GFRA2: variants seen among roughly 807,000 people sequenced by gnomAD.
The protein encoded by GFRA2 is GDNF family receptor alpha 2.
GFRA2 carries 17 observed loss-of-function variants against 48.3 expected under a neutral mutation model. That is an observed-to-expected ratio of 0.35 (90% CI 0.24 to 0.53). The LOEUF is 0.53. GFRA2 is among the 20% of genes least tolerant of loss of function. The pLI is 0.93. For synonymous variants in GFRA2, 305 were observed against 257.2 expected (o/e 1.19, Z -1.78); for missense variants, 660 against 637.3 (o/e 1.04, Z -0.38).
chr8:21,751,021 C>G (rs1274892116), intron 3 of GFRA2, 79 bp from the exon 4 acceptor site: 1 of 925,780 alleles, frequency 1.1e-6, no homozygotes, highest in Non-Finnish European at 1.7e-6. Context: ...TGGAAGATGT[C>G]TCCCAGTACT....
At chr8:21,720,404 G>T (rs372988709) in intron 4 of GFRA2, among the ~76,000 whole-genome samples, 20 of 152,186 alleles carry the variant, frequency 1.3e-4, no homozygotes, top group African/African-American at 4.8e-4. Flanking sequence ...TTTCTGGGAA[G>T]AGTAACCGAG....
In GFRA2 at chr8:21,694,075, T is replaced by TATATATATATATA. The variant is rs1563209422; in HGVS notation, c.1272+388_1272+389insTATATATATATAT. On this transcript the variant is annotated intron_variant, in intron 8 of 8. Transcript: ENST00000524240. The stretch of plus-strand genomic sequence containing the variant: ...TATATTTATATATATATTTATTTAT[T>TATATATATATATA]TTTATATATATATATATTTCCTATA... 6.3e-4 allele frequency among the ~76,000 whole-genome samples: 31 copies of TATATATATATATA among 49,120 alleles called. 1 individual carries two copies. Among genetic ancestry groups the TATATATATATATA allele is most frequent in the African/African-American group, 2.8e-3 (25 of 9,036 alleles). 32.2% of individuals were successfully genotyped at this position (49,120 alleles called of 152,430 possible).
intron 4 of GFRA2, among the ~76,000 whole-genome samples, chr8:21,727,304 C>G (rs1803919139): frequency 6.6e-6 from 1 of 152,092 alleles, no homozygotes; most frequent in South Asian, 2.1e-4. Context: ...GGAGCTGGGC[C>G]CTACCTCCCA....
intron 3 of GFRA2, among the ~76,000 whole-genome samples, chr8:21,766,756 G>A (rs981853184): frequency 6.5e-3 from 9 of 1,384 alleles, no homozygotes; most frequent in Middle Eastern, 0.25. Context: ...CCCTCCTTCC[G>A]TCCTGTCCCT....
chr8:21,709,583 G>A (rs1229243546), intron 4 of GFRA2, among the ~76,000 whole-genome samples: 1 of 152,218 alleles, frequency 6.6e-6, no homozygotes, highest in Non-Finnish European at 1.5e-5. Context: ...CTAAGGGGCC[G>A]GGGTAGTGTG....
At chr8:21,767,117 TACAC>T (rs1006183097) in intron 3 of GFRA2, among the ~76,000 whole-genome samples, 6 of 136,676 alleles carry the variant, frequency 4.4e-5, no homozygotes, top group South Asian at 2.4e-4. Flanking sequence ...ATACATCACA[TACAC>T]ACACACCACC....
chr8:21,702,853 G>C lies in GFRA2; in HGVS notation c.1170C>G (p.Asp390Glu). ...TGACACTGGTCCCCAAGCTGGTACT[G>C]TCACTGAGGTCATCTGGCAAAGAAG... ...KTPSLPDDLS[D>E]STSLGTSVIT... The change falls in exon 7 of 9, where the codon GAC (aspartate) becomes GAG (glutamate). Residue 390 changes from aspartate to glutamate, a missense_variant. Transcript: ENST00000524240. The C allele has an allele frequency of 6.2e-7, 1 of 1,610,348 alleles. No individual in the cohort carries two copies. The highest frequency in any genetic ancestry group is 1.1e-5 in the South Asian group (1 of 90,900).
At chr8:21,740,826 A>G (rs1585280917) in intron 4 of GFRA2, among the ~76,000 whole-genome samples, 1 of 152,202 alleles carries the variant, frequency 6.6e-6, no homozygotes, top group South Asian at 2.1e-4. Flanking sequence ...AGAATGTTAC[A>G]CCATCACCAC....
chr8:21,732,070 C>T (rs58449497), intron 4 of GFRA2, among the ~76,000 whole-genome samples: 2,530 of 152,344 alleles, frequency 0.017, 69 homozygotes, highest in African/African-American at 0.058. Context: ...GGGCCCAATG[C>T]AGGGGCGAGT....
intron 7 of GFRA2, among the ~76,000 whole-genome samples, chr8:21,697,530 G>A (rs1220017774): frequency 6.6e-6 from 1 of 152,066 alleles, no homozygotes. Context: ...GGCACCTAGT[G>A]GCGGGAGGGG....
At chr8:21,809,960 T>A (rs140321381) in intron 1 of GFRA2, among the ~76,000 whole-genome samples, 2 of 152,258 alleles carry the variant, frequency 1.3e-5, no homozygotes, top group Admixed American at 6.5e-5. Context: ...AGCCACCAGA[T>A]GTTGCTTCTC....
chr8:21,788,054 T>TC, intron 1 of GFRA2, 66 bp downstream of exon 1: 1 of 216,168 alleles, frequency 4.6e-6, no homozygotes, highest in South Asian at 6.9e-5. Context: ...CCACCGGCGC[T>TC]CCGCTCGCCC....
intron 4 of GFRA2, among the ~76,000 whole-genome samples, chr8:21,739,384 C>G (rs1334960096): frequency 1.3e-5 from 2 of 152,196 alleles, no homozygotes; most frequent in East Asian, 3.9e-4. Flanking sequence ...AACAAAGCAA[C>G]TCACCCTAAT....
At chr8:21,806,371 G>A (rs567121531) in intron 1 of GFRA2, among the ~76,000 whole-genome samples, 40 of 152,290 alleles carry the variant, frequency 2.6e-4, no homozygotes, top group African/African-American at 9.1e-4. Context: ...TAGGCTTTAT[G>A]TTAGATAACT....
chr8:21,735,678 T>A (rs1298505263), intron 4 of GFRA2, among the ~76,000 whole-genome samples: 1 of 152,184 alleles, frequency 6.6e-6, no homozygotes, highest in African/African-American at 2.4e-5. Context: ...TTCATTTTTC[T>A]TGAGACAGGG....
At chr8:21,798,074 G>A (rs1031729482) in intron 2 of GFRA2, among the ~76,000 whole-genome samples, 1 of 152,136 alleles carries the variant, frequency 6.6e-6, no homozygotes, top group Non-Finnish European at 1.5e-5. Flanking sequence ...ACAGGCACCT[G>A]CTGCCTCCCC....
In GFRA2 at chr8:21,694,519, T is replaced by C; in HGVS notation, c.1219-2A>G. ...GTTGTTGGCCTTCAGCCCCTGCTCC[T>C]GCGAGAGAGAAGGTGCCAGTCAGGA... On this transcript the variant is annotated splice_acceptor_variant, in intron 7 of 8. Coordinates refer to ENST00000524240, the MANE Select transcript of GFRA2 (RefSeq NM_001495.5). LOFTEE classifies it high-confidence loss of function. The C allele has an allele frequency of 6.2e-7, 1 of 1,609,876 alleles. No individual in the cohort carries two copies. The highest frequency in any genetic ancestry group is 8.5e-7 in the Non-Finnish European group (1 of 1,178,422).
chr8:21,722,641 G>A (rs1024613322), intron 4 of GFRA2, among the ~76,000 whole-genome samples: 4 of 152,064 alleles, frequency 2.6e-5, no homozygotes, highest in Non-Finnish European at 5.9e-5. Context: ...AGACCCATAC[G>A]AAGGCCCTGC....
chr8:21,746,265 C>A (rs770679312), intron 4 of GFRA2, among the ~76,000 whole-genome samples: 39 of 152,166 alleles, frequency 2.6e-4, no homozygotes, highest in Non-Finnish European at 4.3e-4. Flanking sequence ...TCAATGCACC[C>A]CGCCCCAAAC....
Sources: gnomAD v4.1 joint callset for allele counts (sites outside exome capture counted in the v4.1 genomes callset) on GRCh38, gnomAD v4.1.1 for gene constraint, MANE v1.5 for transcripts, NCBI Gene and HGNC (gene_info 2026-07-23, HGNC 2026-07-21) for gene names.